The following C6orf120 variants were observed in gnomAD, a reference collection of about 807,000 sequenced individuals.
C6orf120 encodes the protein UPF0669 protein C6orf120.
For synonymous variants in C6orf120, 165 were observed against 123.1 expected (o/e 1.34, Z -2.25); for missense variants, 311 against 264.2 (o/e 1.18, Z -1.23).
exon 1 of C6orf120, chr6:169,702,240 C>A: frequency 1.4e-6 from 1 of 693,560 alleles, no homozygotes; most frequent in Non-Finnish European, 2.6e-6. Flanking sequence ...TGCCCCTGCC[C>A]CTGCCCTGAG....
exon 1 of C6orf120, chr6:169,702,799 G>A (rs2128327004): frequency 6.2e-7 from 1 of 1,613,026 alleles, no homozygotes; most frequent in Admixed American, 1.7e-5. Context: ...CCGGCGCCCA[G>A]TGGGCATCGG....
At chr6:169,705,702 A>G (rs763331452), downstream of C6orf120, 1 of 1,579,264 alleles carries the variant, frequency 6.3e-7, no homozygotes, top group Non-Finnish European at 8.7e-7. Flanking sequence ...AATTCCACAT[A>G]TAGCATTTGG....
exon 1 of C6orf120, chr6:169,703,172 G>T (rs1788526093): frequency 3.3e-6 from 3 of 922,958 alleles, no homozygotes; most frequent in African/African-American, 1.7e-5. Context: ...GCCATACGCA[G>T]TTTTGTTACC....
chr6:169,702,512 T>C (rs1397095351), exon 1 of C6orf120: 5 of 1,606,510 alleles, frequency 3.1e-6, no homozygotes, highest in East Asian at 2.2e-5. Flanking sequence ...CTGCTGCTGC[T>C]CCTAGCCTCG....
chr6:169,702,140 C>G (rs747664269), upstream of C6orf120: 4 of 594,288 alleles, frequency 6.7e-6, no homozygotes, highest in South Asian at 3.0e-5. Context: ...CCGCCTCCGG[C>G]GAGGCTCCGG....
At chr6:169,703,389 T>A in exon 1 of C6orf120, 2 of 268,908 alleles carry the variant, frequency 7.4e-6, no homozygotes, top group Non-Finnish European at 7.6e-6. Context: ...AATTTTACTC[T>A]GGAGATTCTA....
downstream of C6orf120, chr6:169,705,162 A>G (rs1382100430): frequency 2.5e-6 from 4 of 1,610,762 alleles, no homozygotes; most frequent in East Asian, 6.7e-5. Context: ...GCCCACACAA[A>G]AAGTATGATA....
upstream of C6orf120, chr6:169,702,179 C>T: frequency 1.5e-6 from 1 of 657,430 alleles, no homozygotes; most frequent in Non-Finnish European, 2.8e-6. Context: ...AAAGCGCGGC[C>T]CCCTGCGGGG....
At chr6:169,702,934 A>C (rs1788479125) in exon 1 of C6orf120, 23 of 1,612,326 alleles carry the variant, frequency 1.4e-5, no homozygotes, top group Non-Finnish European at 1.9e-5. Flanking sequence ...TGCCGGCCAG[A>C]AGCACGCTGG....
At chr6:169,702,681 A>G in exon 1 of C6orf120, 1 of 1,613,496 alleles carries the variant, frequency 6.2e-7, no homozygotes, top group Non-Finnish European at 8.5e-7. Flanking sequence ...GCCTCAAGGG[A>G]GATGCGGATC....
chr6:169,702,270 G>A, exon 1 of C6orf120: 1 of 691,606 alleles, frequency 1.4e-6, no homozygotes, highest in East Asian at 2.7e-5. Flanking sequence ...CGCTACGGGG[G>A]AGGGGTTAAC....
At chr6:169,705,589 A>T, downstream of C6orf120, 1 of 1,169,122 alleles carries the variant, frequency 8.6e-7, no homozygotes, top group Non-Finnish European at 1.3e-6. Flanking sequence ...GGTGGTTAAA[A>T]TTTTAAAAAG....
At chr6:169,702,947 C>T (rs754503161) in exon 1 of C6orf120, 5 of 1,610,672 alleles carry the variant, frequency 3.1e-6, no homozygotes, top group East Asian at 4.5e-5. Context: ...CACGCTGGTG[C>T]CCCGGAAGAC....
At chr6:169,705,215 G>A (rs754426578), downstream of C6orf120, 3 of 1,613,722 alleles carry the variant, frequency 1.9e-6, no homozygotes, top group Admixed American at 5.0e-5. Flanking sequence ...CTTCTTCATG[G>A]TGGGGTTGTC....
At chr6:169,702,452 C>G (rs745457448) in exon 1 of C6orf120, 7 of 1,506,876 alleles carry the variant, frequency 4.6e-6, no homozygotes, top group Non-Finnish European at 6.3e-6. Flanking sequence ...GGAGCTGAGC[C>G]GCCAGCCATG....
chr6:169,703,016 T>C (rs1788497359), exon 1 of C6orf120: 3 of 1,557,692 alleles, frequency 1.9e-6, no homozygotes, highest in East Asian at 2.4e-5. Context: ...TTGAAACTGG[T>C]ACTTGAAATT....
rs887243722 is a variant in C6orf120 at position 169,703,095 on chromosome 6, T to C, written c.*60T>C. The C allele has an allele frequency of 2.7e-6, 4 of 1,483,206 alleles. No individual in the cohort carries two copies. In the African/African-American group the frequency reaches 4.2e-5, roughly 16 times the overall value. The allele number at this position is 1,483,206 out of a possible 1,614,324, so 91.9% of individuals were successfully genotyped here. ...ATCTGTGAAGCTGATTGCAGTTTGC[T>C]GTGAACCTTGCTACTTGTACTTGGT... On this transcript the variant is annotated 3_prime_UTR_variant, in exon 1 of 1. Coordinates refer to ENST00000332290, the Ensembl canonical transcript of C6orf120.
exon 1 of C6orf120, chr6:169,702,918 C>G: frequency 6.2e-7 from 1 of 1,612,606 alleles, no homozygotes; most frequent in East Asian, 2.2e-5. Flanking sequence ...CCGCCGACGG[C>G]GCAGATGCCG....
chr6:169,703,368 G>A lies in C6orf120; in HGVS notation c.*333G>A, dbSNP rs548925473. 42 of 299,838 alleles carry A rather than the reference G, an allele frequency of 1.4e-4. No individual in the cohort carries two copies. In the East Asian group the frequency reaches 2.9e-3, roughly 21 times the overall value. The allele number at this position is 299,838 out of a possible 1,614,324, so 18.6% of individuals were successfully genotyped here. A position where few individuals can be genotyped will look rare whatever the true frequency, so the allele number is the denominator to read the frequency against. ...ATGCTGTGACACAAATCAAAAGGTT[G>A]ATAACTTTGTAATTTTACTCTGGAG... On this transcript the variant is annotated 3_prime_UTR_variant, in exon 1 of 1. Transcript: ENST00000332290.
Sources: gnomAD v4.1 joint callset for allele counts on GRCh38, gnomAD v4.1.1 for gene constraint, MANE v1.5 for transcripts, NCBI Gene and HGNC (gene_info 2026-07-23, HGNC 2026-07-21) for gene names.